The following LRSAM1 variants were observed in gnomAD, a reference collection of about 807,000 sequenced individuals.
The protein encoded by LRSAM1 is leucine rich repeat and sterile alpha motif containing 1.
LRSAM1 carries 96 observed loss-of-function variants against 118.1 expected under a neutral mutation model. The observed-to-expected ratio is 0.81, with a 90% CI of 0.69 to 0.96. The LOEUF (loss-of-function observed/expected upper bound fraction) is 0.96, where lower values mean the gene tolerates loss of function less well. Among genes scored for constraint, LRSAM1 ranks in the 40% least tolerant of loss-of-function variants. The pLI, the probability that LRSAM1 is intolerant of heterozygous loss-of-function variation, is 0.00. For missense variants in LRSAM1, 804 were observed against 915.5 expected (o/e 0.88, Z 1.57); for synonymous variants, 322 against 364.2 (o/e 0.88, Z 1.32).
chr9:127,472,023 G>A (rs916882367), intron 10 of LRSAM1, among the ~76,000 whole-genome samples: 4 of 150,714 alleles, frequency 2.7e-5, no homozygotes, highest in East Asian at 4.1e-4. Context: ...GTGCGGTGGC[G>A]CAATCTTGGC....
At chr9:127,472,609 C>T (rs1479096783) in intron 10 of LRSAM1, among the ~76,000 whole-genome samples, 1 of 151,856 alleles carries the variant, frequency 6.6e-6, no homozygotes, top group Non-Finnish European at 1.5e-5. Context: ...CCACTGCACT[C>T]CAGCCTGGGT....
At chr9:127,467,692 G>C in intron 9 of LRSAM1, 48 bp from the exon 10 acceptor site, 1 of 1,536,152 alleles carries the variant, frequency 6.5e-7, no homozygotes, top group South Asian at 1.2e-5. Context: ...TGTGGTCTCC[G>C]GTTGCGTTGG....
At chr9:127,478,984 T>C in intron 12 of LRSAM1, 21 bp downstream of exon 12, 1 of 1,607,134 alleles carries the variant, frequency 6.2e-7, no homozygotes, top group East Asian at 2.2e-5. Context: ...GCCTTTACCC[T>C]TCTGTCACTC....
At chr9:127,455,388 G>A (rs1340278378) in intron 4 of LRSAM1, among the ~76,000 whole-genome samples, 188 bp from the exon 5 acceptor site, 1 of 152,224 alleles carries the variant, frequency 6.6e-6, no homozygotes, top group Non-Finnish European at 1.5e-5. Context: ...GCTGACCGAG[G>A]GAAGGGCTGG....
chr9:127,461,356 A>G (rs1834737548), intron 8 of LRSAM1, 99 bp downstream of exon 8: 6 of 1,024,180 alleles, frequency 5.9e-6, no homozygotes, highest in South Asian at 5.1e-5. Context: ...ATTGAGCAGG[A>G]GGGCAGCCAG....
chr9:127,451,659 A>G lies in LRSAM1; in HGVS notation c.-199A>G, dbSNP rs760403428. 2.3e-4 allele frequency: 90 copies of G among 389,272 alleles called. No homozygotes were observed. The highest frequency in any genetic ancestry group is 3.8e-4 in the Non-Finnish European group (80 of 208,058). The allele number at this position is 389,272 out of a possible 1,614,324, so 24.1% of individuals were successfully genotyped here. Reference sequence around the variant, plus strand: ...GATCCCAGCCCTAGCTGTTTCCCATATTCCTTTATCGTGAGTGTCACCCCG... The same window carrying G: ...GATCCCAGCCCTAGCTGTTTCCCATGTTCCTTTATCGTGAGTGTCACCCCG... On this transcript the variant is annotated 5_prime_UTR_variant, in exon 1 of 26. The change creates a new upstream start codon in the 5' untranslated region. Transcript: ENST00000300417.
chr9:127,460,847 C>CTTTTTTTTT lies in LRSAM1; in HGVS notation c.322-308_322-300dup, dbSNP rs58140930. On this transcript the variant is annotated intron_variant, in intron 7 of 25. Transcript: ENST00000300417. ...TCGTGTCACCTCTTCCTGTTTCTTT[C>CTTTTTTTTT]TTTTTTTTTTTTTTTTTTTTTTTTT... Among the ~76,000 whole-genome samples the CTTTTTTTTT allele has an allele frequency of 3.1e-4, 24 of 77,426 alleles. 2 individuals carry two copies. Among genetic ancestry groups the CTTTTTTTTT allele is most frequent in the African/African-American group, 6.0e-4 (12 of 20,166 alleles). The allele number at this position is 77,426 out of a possible 152,430, so 50.8% of individuals were successfully genotyped here.
chr9:127,503,399 T>C lies in LRSAM1; in HGVS notation c.*500T>C. The C allele has an allele frequency of 5.5e-6, 1 of 180,728 alleles. No homozygotes were observed. The highest frequency in any genetic ancestry group is 1.2e-5 in the Non-Finnish European group (1 of 85,384). 11.2% of individuals were successfully genotyped at this position (180,728 alleles called of 1,614,324 possible). The stretch of plus-strand genomic sequence containing the variant: ...AACCCTGGGTCTCCCTCTCTGCTGC[T>C]CCCCAGAACCCCGGGGCCCTCCTGC... On this transcript the variant is annotated 3_prime_UTR_variant, in exon 26 of 26. Transcript: ENST00000300417.
intron 11 of LRSAM1, among the ~76,000 whole-genome samples, chr9:127,475,358 G>A (rs1835315640): frequency 6.6e-6 from 1 of 152,106 alleles, no homozygotes; most frequent in Admixed American, 6.6e-5. Flanking sequence ...AGGCATGGAG[G>A]CGTGCACCTG....
At chr9:127,459,858 C>T (rs1024292607) in intron 7 of LRSAM1, among the ~76,000 whole-genome samples, 1 of 152,174 alleles carries the variant, frequency 6.6e-6, no homozygotes, top group Non-Finnish European at 1.5e-5. Flanking sequence ...TGCACCTGGC[C>T]AGTAGGTGTA....
chr9:127,467,901 A>C lies in LRSAM1; in HGVS notation c.619+71A>C, dbSNP rs533193448. The C allele has an allele frequency of 2.7e-5, 39 of 1,454,544 alleles. No homozygotes were observed. The African/African-American group carries it at 4.8e-4, about 18-fold the overall frequency. 90.1% of individuals were successfully genotyped at this position (1,454,544 alleles called of 1,614,324 possible). On this transcript the variant is annotated intron_variant, in intron 10 of 25. Transcript: ENST00000300417. ...CCCCATGGCCACCCTGTGCCAGCCC[A>C]GGCTGGGGAACAGCAGAGACAGAAA... is the stretch of plus-strand genomic sequence containing the variant.
intron 13 of LRSAM1, 76 bp from the exon 14 acceptor site, chr9:127,479,763 C>T (rs962951880): frequency 1.8e-5 from 28 of 1,568,630 alleles, no homozygotes; most frequent in Non-Finnish European, 2.3e-5. Context: ...GAAAGCCAGC[C>T]TCCTAACCCC....
chr9:127,501,440 A>G (rs1299928854), intron 25 of LRSAM1, among the ~76,000 whole-genome samples: 1 of 152,128 alleles, frequency 6.6e-6, no homozygotes, highest in Non-Finnish European at 1.5e-5. Flanking sequence ...GCTTTAGAAA[A>G]TCATCTTTTG....
chr9:127,493,495 A>G (rs549645261), intron 21 of LRSAM1, among the ~76,000 whole-genome samples: 1 of 152,306 alleles, frequency 6.6e-6, no homozygotes, highest in South Asian at 2.1e-4. Context: ...TTTTCAAGTC[A>G]TTAAACTATT....
At position 127,487,765 on chromosome 9, in the gene LRSAM1, T is replaced by C; in HGVS notation, c.1347+2T>C. On this transcript the variant is annotated splice_donor_variant, in intron 18 of 25. Transcript: ENST00000300417. LOFTEE classifies it high-confidence loss of function. ...GCCATCAGCCAGATCCTGCAGGAGGTGAGCCCTCGCCCAGAGCCTGAGGGT... is the reference window on the plus strand; with the variant it reads ...GCCATCAGCCAGATCCTGCAGGAGGCGAGCCCTCGCCCAGAGCCTGAGGGT... 6.2e-7 allele frequency: 1 copy of C among 1,611,374 alleles called. No individual in the cohort carries two copies. The highest frequency in any genetic ancestry group is 8.5e-7 in the Non-Finnish European group (1 of 1,178,758).
intron 20 of LRSAM1, among the ~76,000 whole-genome samples, chr9:127,492,442 C>T (rs560278236): frequency 1.2e-4 from 18 of 152,230 alleles, no homozygotes; most frequent in Non-Finnish European, 2.6e-4. Context: ...TTTGCACGCA[C>T]CTCCATTTGT....
intron 14 of LRSAM1, 52 bp downstream of exon 14, chr9:127,480,030 CCT>C: frequency 3.7e-6 from 6 of 1,613,146 alleles, no homozygotes; most frequent in Non-Finnish European, 4.2e-6. Flanking sequence ...CGTGCAGTCC[CCT>C]GAGGAGCCGG....
chr9:127,467,984 A>T (rs1835024638), intron 10 of LRSAM1, among the ~76,000 whole-genome samples, 154 bp downstream of exon 10: 2 of 152,192 alleles, frequency 1.3e-5, no homozygotes, highest in African/African-American at 4.8e-5. Context: ...CAGGCAAAAC[A>T]AATGTTTACA....
At chr9:127,469,797 A>T (rs745597527) in intron 10 of LRSAM1, among the ~76,000 whole-genome samples, 12 of 152,092 alleles carry the variant, frequency 7.9e-5, no homozygotes, top group Non-Finnish European at 1.5e-4. Context: ...CCCTGTCTCT[A>T]CTAAAAATAC....
Sources: allele counts gnomAD v4.1 joint callset (sites outside exome capture counted in the v4.1 genomes callset), GRCh38; gene constraint gnomAD v4.1.1; transcripts MANE v1.5; gene names NCBI Gene and HGNC (gene_info 2026-07-23, HGNC 2026-07-21).